MAD1L1: variants seen among roughly 807,000 people sequenced by gnomAD.
MAD1L1 encodes mitotic spindle assembly checkpoint protein MAD1.
In MAD1L1, 95 loss-of-function variants were observed where a neutral mutation model predicts 96.9. The observed-to-expected ratio is 0.98, with a 90% CI of 0.83 to 1.16. MAD1L1 has a LOEUF of 1.16. MAD1L1 is among the 50% of genes most tolerant of loss of function. The pLI is 0.00. For missense variants in MAD1L1, 1,007 were observed against 954.4 expected, an observed-to-expected ratio of 1.06 and a Z score of -0.73; for synonymous variants, 473 against 396.6, an observed-to-expected ratio of 1.19 and a Z score of -2.29.
At chr7:2,197,137 C>T (rs17132303) in intron 10 of MAD1L1, among the ~76,000 whole-genome samples, 7,007 of 152,284 alleles carry the variant, frequency 0.046, 560 homozygotes, top group African/African-American at 0.16. Flanking sequence ...TCTGCCACAT[C>T]CCAGGAGAAC....
At chr7:2,126,008 C>T (rs1443121729) in intron 11 of MAD1L1, among the ~76,000 whole-genome samples, 1 of 152,150 alleles carries the variant, frequency 6.6e-6, no homozygotes, top group Non-Finnish European at 1.5e-5. Flanking sequence ...GGAGAGGGGT[C>T]ATCTTCCATG....
At chr7:2,098,994 T>C (rs1287774374) in intron 11 of MAD1L1, among the ~76,000 whole-genome samples, 2 of 152,194 alleles carry the variant, frequency 1.3e-5, no homozygotes, top group Non-Finnish European at 2.9e-5. Context: ...GGTGCCGGAA[T>C]GTCTGGGGAT....
chr7:1,819,210 A>G (rs565193102), intron 18 of MAD1L1, among the ~76,000 whole-genome samples: 4 of 152,194 alleles, frequency 2.6e-5, no homozygotes, highest in Admixed American at 6.5e-5. Context: ...TTAAACTGCA[A>G]TTTTTTAAAA....
intron 11 of MAD1L1, among the ~76,000 whole-genome samples, chr7:2,090,589 GC>G (rs1362161149): frequency 1.3e-5 from 2 of 152,140 alleles, no homozygotes; most frequent in Non-Finnish European, 2.9e-5. Flanking sequence ...GCCATTAGTT[GC>G]CACACCTCCT....
chr7:2,198,953 G>A (rs1419892259), intron 10 of MAD1L1, among the ~76,000 whole-genome samples: 2 of 151,574 alleles, frequency 1.3e-5, no homozygotes, highest in African/African-American at 4.8e-5. Context: ...TCCACAGAGA[G>A]ACGCGCTGTG....
chr7:2,157,191 A>G (rs1320303412), intron 10 of MAD1L1, among the ~76,000 whole-genome samples: 1 of 152,234 alleles, frequency 6.6e-6, no homozygotes, highest in Non-Finnish European at 1.5e-5. Flanking sequence ...AAAGAGTGCT[A>G]AGTAATACAA....
intron 14 of MAD1L1, among the ~76,000 whole-genome samples, chr7:1,984,694 C>T (rs749210235): frequency 3.7e-4 from 57 of 152,228 alleles, no homozygotes; most frequent in Non-Finnish European, 7.1e-4. Flanking sequence ...CACCAGGATG[C>T]CTTTGCTTCC....
intron 15 of MAD1L1, among the ~76,000 whole-genome samples, chr7:1,959,319 G>A (rs1779856157): frequency 6.6e-6 from 1 of 152,180 alleles, no homozygotes; most frequent in Admixed American, 6.5e-5. Flanking sequence ...GAATCACTGA[G>A]CTGTGGGACA....
At chr7:1,842,339 AGCTCCCTGCG>A (rs1301804068) in intron 18 of MAD1L1, among the ~76,000 whole-genome samples, 2 of 152,222 alleles carry the variant, frequency 1.3e-5, no homozygotes, top group Non-Finnish European at 2.9e-5. Context: ...GAAACCCAGC[AGCTCCCTGCG>A]GCTCCGGCCC....
intron 11 of MAD1L1, among the ~76,000 whole-genome samples, chr7:2,073,184 G>A (rs959006340): frequency 5.9e-5 from 9 of 152,186 alleles, no homozygotes; most frequent in Non-Finnish European, 1.3e-4. Context: ...AGCAGAACTA[G>A]CATATCCCTC....
intron 16 of MAD1L1, among the ~76,000 whole-genome samples, chr7:1,948,366 C>T (rs1779330355): frequency 1.3e-5 from 2 of 151,816 alleles, no homozygotes; most frequent in African/African-American, 2.4e-5. Flanking sequence ...CCGCTCAGGG[C>T]CCTGCCCAGA....
chr7:2,023,160 G>T (rs1029071075), intron 12 of MAD1L1, among the ~76,000 whole-genome samples: 4 of 152,178 alleles, frequency 2.6e-5, no homozygotes, highest in African/African-American at 9.7e-5. Flanking sequence ...GGACACAGCA[G>T]AATTCAATAG....
chr7:2,134,087 G>A (rs1788642986), intron 11 of MAD1L1, among the ~76,000 whole-genome samples: 1 of 152,166 alleles, frequency 6.6e-6, no homozygotes, highest in African/African-American at 2.4e-5. Flanking sequence ...TTCTGACTGG[G>A]ACTGCACAGA....
chr7:2,046,786 T>C (rs1783940969), intron 12 of MAD1L1, among the ~76,000 whole-genome samples: 1 of 152,148 alleles, frequency 6.6e-6, no homozygotes, highest in Non-Finnish European at 1.5e-5. Flanking sequence ...CCACTGAAGA[T>C]TCCGTAAGCT....
chr7:1,878,510 C>T (rs1027955687), intron 18 of MAD1L1, among the ~76,000 whole-genome samples: 1 of 151,540 alleles, frequency 6.6e-6, no homozygotes, highest in African/African-American at 2.4e-5. Flanking sequence ...TAAAAAAAAT[C>T]AACCAGTATT....
chr7:1,957,064 C>T (rs1483640960), intron 16 of MAD1L1, among the ~76,000 whole-genome samples: 2 of 152,220 alleles, frequency 1.3e-5, no homozygotes, highest in Non-Finnish European at 2.9e-5. Context: ...CTGTACACCA[C>T]GGCCCAGTTA....
intron 11 of MAD1L1, among the ~76,000 whole-genome samples, chr7:2,098,508 C>A (rs368005524): frequency 6.6e-6 from 1 of 152,206 alleles, no homozygotes; most frequent in South Asian, 2.1e-4. Context: ...ATGCCGTACG[C>A]AGCAGCAGTC....
At chr7:2,218,098 A>G in intron 6 of MAD1L1, 55 bp from the exon 7 acceptor site, 1 of 1,381,450 alleles carries the variant, frequency 7.2e-7, no homozygotes, top group Non-Finnish European at 1.0e-6. Context: ...AAGGCCAACA[A>G]TTCTCCTCAG....
chr7:2,199,670 C>G (rs565150831), intron 10 of MAD1L1, among the ~76,000 whole-genome samples: 1 of 152,248 alleles, frequency 6.6e-6, no homozygotes, highest in Non-Finnish European at 1.5e-5. Flanking sequence ...GGAAACCAGA[C>G]GAGGGCCAGG....
Sources: gnomAD v4.1 joint callset for allele counts (sites outside exome capture counted in the v4.1 genomes callset) on GRCh38, gnomAD v4.1.1 for gene constraint, MANE v1.5 for transcripts, NCBI Gene and HGNC (gene_info 2026-07-23, HGNC 2026-07-21) for gene names.